Variants in THRB observed in about 807,000 individuals in gnomAD.
THRB encodes nuclear receptor subfamily 1 group A member 2.
In THRB, 12 loss-of-function variants were observed where a neutral mutation model predicts 47.8. That is an observed-to-expected ratio of 0.25 (90% CI 0.16 to 0.41). THRB has a LOEUF of 0.41. THRB is among the 10% of genes least tolerant of loss of function. The pLI, the probability that THRB is intolerant of heterozygous loss-of-function variation, is 1.00. For missense variants in THRB, 348 were observed against 589.2 expected, an observed-to-expected ratio of 0.59 and a Z score of 4.24; for synonymous variants, 218 against 212.2, an observed-to-expected ratio of 1.03 and a Z score of -0.24.
intron 2 of THRB, among the ~76,000 whole-genome samples, chr3:24,322,225 T>G (rs1220959118): frequency 6.6e-6 from 1 of 152,206 alleles, no homozygotes; most frequent in African/African-American, 2.4e-5. Flanking sequence ...AGGTATACAC[T>G]TCACTTTGTC....
At chr3:24,376,340 G>A (rs2065284882) in intron 1 of THRB, among the ~76,000 whole-genome samples, 2 of 152,168 alleles carry the variant, frequency 1.3e-5, no homozygotes, top group Admixed American at 6.5e-5. Context: ...CTGGGGAAGT[G>A]GAACCCAGAG....
At chr3:24,238,266 TGTGTGTGTGTGTGGGG>T (rs2049083089) in intron 3 of THRB, among the ~76,000 whole-genome samples, 1 of 10,454 alleles carries the variant, frequency 9.6e-5, no homozygotes, top group African/African-American at 3.1e-4. Flanking sequence ...TGTGTGTATG[TGTGTGTGTGTGTGGGG>T]GGGGGGGGGG....
chr3:24,197,463 C>G (rs2044086159), intron 4 of THRB, among the ~76,000 whole-genome samples: 1 of 152,178 alleles, frequency 6.6e-6, no homozygotes, highest in Non-Finnish European at 1.5e-5. Context: ...GTCTATGTCT[C>G]TTCTATAAGG....
intron 4 of THRB, among the ~76,000 whole-genome samples, chr3:24,206,025 G>C (rs967529334): frequency 6.6e-6 from 1 of 152,138 alleles, no homozygotes; most frequent in East Asian, 1.9e-4. Flanking sequence ...CCTACAAAGA[G>C]ACTTAGACTC....
chr3:24,220,024 T>A (rs553233015), intron 4 of THRB, among the ~76,000 whole-genome samples: 106 of 152,322 alleles, frequency 7.0e-4, no homozygotes, highest in African/African-American at 2.4e-3. Flanking sequence ...TGGTATTTTT[T>A]AACAGATCTC....
At chr3:24,335,426 C>T (rs1364440725) in intron 2 of THRB, among the ~76,000 whole-genome samples, 1 of 152,176 alleles carries the variant, frequency 6.6e-6, no homozygotes, top group African/African-American at 2.4e-5. Context: ...ATAAACAGCC[C>T]ACATAGCTTT....
At position 24,446,351 on chromosome 3, in the gene THRB, G is replaced by C. The variant is rs1439441709; in HGVS notation, c.-261+48301C>G. On this transcript the variant is annotated intron_variant, in intron 1 of 10. Coordinates refer to ENST00000646209, the MANE Select transcript of THRB (RefSeq NM_001354712.2). ...GGCTAATTTCTTCTCTCCTCCTTCA[G>C]CTCTGGCCTCTTCCTGCTCACCTCT... Among the ~76,000 whole-genome samples, 4 of 152,066 alleles carry C rather than the reference G, an allele frequency of 2.6e-5. No individual in the cohort carries two copies. In the East Asian group the frequency reaches 7.7e-4, roughly 29 times the overall value.
At chr3:24,304,350 G>A (rs2057181945) in intron 2 of THRB, among the ~76,000 whole-genome samples, 1 of 151,994 alleles carries the variant, frequency 6.6e-6, no homozygotes, top group Non-Finnish European at 1.5e-5. Flanking sequence ...TAGATCGTAA[G>A]CAAATAAAAT....
At chr3:24,347,010 C>A (rs13072812) in intron 1 of THRB, among the ~76,000 whole-genome samples, 24,474 of 151,930 alleles carry the variant, frequency 0.16, 2,445 homozygotes, top group Middle Eastern at 0.22. Context: ...ATAAATGAGT[C>A]TGAATAAATT....
chr3:24,244,851 T>C (rs1341304381), intron 3 of THRB, among the ~76,000 whole-genome samples: 1 of 152,228 alleles, frequency 6.6e-6, no homozygotes, highest in African/African-American at 2.4e-5. Context: ...ATGAAAATGC[T>C]GCATGGTTAC....
At chr3:24,123,273 T>C (rs1256843811) in intron 10 of THRB, 148 bp from the exon 11 acceptor site, 4 of 1,127,158 alleles carry the variant, frequency 3.5e-6, no homozygotes, top group Non-Finnish European at 1.3e-6. Context: ...ACTCTGGTGC[T>C]CCAGGGACCA....
At chr3:24,171,854 C>T (rs1049425788) in intron 5 of THRB, among the ~76,000 whole-genome samples, 1 of 152,108 alleles carries the variant, frequency 6.6e-6, no homozygotes, top group African/African-American at 2.4e-5. Context: ...CTCCTCCTCC[C>T]CTACCACTAC....
chr3:24,455,764 T>C (rs2073112096), intron 1 of THRB, among the ~76,000 whole-genome samples: 1 of 152,148 alleles, frequency 6.6e-6, no homozygotes, highest in Non-Finnish European at 1.5e-5. Context: ...AACTGTATTA[T>C]AAGACTCAAT....
intron 1 of THRB, among the ~76,000 whole-genome samples, chr3:24,420,994 T>C (rs992106608): frequency 3.3e-5 from 5 of 151,926 alleles, no homozygotes; most frequent in Admixed American, 2.0e-4. Flanking sequence ...GTGGTACATA[T>C]ACACCATGGA....
chr3:24,315,667 G>T (rs2058068294), intron 2 of THRB, among the ~76,000 whole-genome samples: 1 of 152,158 alleles, frequency 6.6e-6, no homozygotes, highest in Non-Finnish European at 1.5e-5. Context: ...CTGGGAGGCT[G>T]CCTGGACAGC....
chr3:24,422,646 G>T lies in THRB; in HGVS notation c.-261+72006C>A, dbSNP rs78741166. On this transcript the variant is annotated intron_variant, in intron 1 of 10. Transcript: ENST00000646209. ...TGTGCATTCACTTTTTTCAGCTGCT[G>T]CTGAAGATTCTTCACCTCCCTGGCC... 7.5e-4 allele frequency among the ~76,000 whole-genome samples: 114 copies of T among 151,966 alleles called. 1 individual carries two copies. In the East Asian group the frequency reaches 0.018, roughly 24 times the overall value.
chr3:24,377,875 C>G (rs553354405), intron 1 of THRB, among the ~76,000 whole-genome samples: 13 of 152,114 alleles, frequency 8.5e-5, no homozygotes, highest in African/African-American at 3.1e-4. Flanking sequence ...CCACAGTCAG[C>G]TAGATAACAG....
intron 2 of THRB, among the ~76,000 whole-genome samples, chr3:24,323,228 T>G (rs79148146): frequency 1.5e-5 from 2 of 134,862 alleles, no homozygotes; most frequent in Admixed American, 7.2e-5. Flanking sequence ...CGGTTTTTGG[T>G]TTTTTTTTTT....
Position 24,118,803 on chromosome 3 carries a change from CTG to C in THRB, c.*4079_*4080del, listed in dbSNP as rs1277282467. The C allele has an allele frequency of 1.3e-5, 2 of 152,662 alleles. No homozygotes were observed. Among genetic ancestry groups the C allele is most frequent in the Non-Finnish European group, 2.9e-5 (2 of 68,038 alleles). The allele number at this position is 152,662 out of a possible 1,614,324, so 9.5% of individuals were successfully genotyped here. A position where few individuals can be genotyped will look rare whatever the true frequency, so the allele number is the denominator to read the frequency against. ...TGTGCATAGGGTGGGTCAGCTTTAA[CTG>C]TGCAACAGAAAGCCACAAACAGCGT... is the stretch of plus-strand genomic sequence containing the variant. On this transcript the variant is annotated 3_prime_UTR_variant, in exon 11 of 11. Coordinates refer to ENST00000646209, the MANE Select transcript of THRB (RefSeq NM_001354712.2).
Sources: allele counts gnomAD v4.1 joint callset (sites outside exome capture counted in the v4.1 genomes callset), GRCh38; gene constraint gnomAD v4.1.1; transcripts MANE v1.5; gene names NCBI Gene and HGNC (gene_info 2026-07-23, HGNC 2026-07-21).